The following CSMD1 variants were observed in gnomAD, a reference collection of about 807,000 sequenced individuals.
The protein encoded by CSMD1 is CUB and Sushi multiple domains 1.
CSMD1 carries 213 observed loss-of-function variants against 417.5 expected under a neutral mutation model. The observed-to-expected ratio is 0.51, with a 90% CI of 0.46 to 0.57. The LOEUF (loss-of-function observed/expected upper bound fraction) is 0.57. Among genes scored for constraint, CSMD1 ranks in the 20% least tolerant of loss-of-function variants. CSMD1 has a pLI of 0.00. For synonymous variants in CSMD1, 2,862 were observed against 1,736.8 expected, an observed-to-expected ratio of 1.65 and a Z score of -16.11; for missense variants, 6,923 against 4,529.7, an observed-to-expected ratio of 1.53 and a Z score of -15.17.
chr8:2,944,878 T>A (rs1458933275), intron 68 of CSMD1, among the ~76,000 whole-genome samples: 1 of 152,172 alleles, frequency 6.6e-6, no homozygotes, highest in African/African-American at 2.4e-5. Context: ...AGCTACATAC[T>A]TTTATCCATA....
intron 1 of CSMD1, among the ~76,000 whole-genome samples, chr8:4,696,027 T>G (rs1247046283): frequency 6.6e-6 from 1 of 152,180 alleles, no homozygotes; most frequent in Non-Finnish European, 1.5e-5. Flanking sequence ...CAGGAGACTT[T>G]GAGGAACTTA....
At chr8:2,984,606 C>A (rs1805708437) in intron 54 of CSMD1, among the ~76,000 whole-genome samples, 1 of 152,220 alleles carries the variant, frequency 6.6e-6, no homozygotes, top group African/African-American at 2.4e-5. Context: ...CTTGGGCTCC[C>A]AAAGTGCTGG....
At chr8:4,844,396 C>G (rs1801015387) in intron 1 of CSMD1, among the ~76,000 whole-genome samples, 1 of 152,086 alleles carries the variant, frequency 6.6e-6, no homozygotes, top group Non-Finnish European at 1.5e-5. Context: ...ATTAACAGAT[C>G]TGAATATGGA....
At chr8:4,893,994 C>T (rs1273119292) in intron 1 of CSMD1, among the ~76,000 whole-genome samples, 13 of 152,114 alleles carry the variant, frequency 8.5e-5, no homozygotes, top group Admixed American at 2.6e-4. Context: ...AGGATTTCAA[C>T]ATCTGTTATG....
chr8:4,553,915 G>A (rs969051133), intron 2 of CSMD1, among the ~76,000 whole-genome samples: 1 of 152,070 alleles, frequency 6.6e-6, no homozygotes, highest in Admixed American at 6.6e-5. Context: ...CTGATGACTG[G>A]TTCAGCTGGA....
intron 1 of CSMD1, among the ~76,000 whole-genome samples, chr8:4,806,091 A>T (rs1296329660): frequency 6.6e-6 from 1 of 152,172 alleles, no homozygotes; most frequent in Non-Finnish European, 1.5e-5. Flanking sequence ...ACAATCTCTA[A>T]TTTTAAAATG....
chr8:3,476,075 G>A (rs4554491), intron 11 of CSMD1, among the ~76,000 whole-genome samples: 89,821 of 152,058 alleles, frequency 0.59, 27,222 homozygotes, highest in Middle Eastern at 0.73. Flanking sequence ...GGAGGTGATG[G>A]CTCATGCCTG....
intron 5 of CSMD1, among the ~76,000 whole-genome samples, chr8:3,917,342 T>G (rs1469572707): frequency 6.6e-6 from 1 of 152,036 alleles, no homozygotes; most frequent in African/African-American, 2.4e-5. Context: ...GTTTTGCAAA[T>G]ATACAGTCCA....
chr8:4,447,765 G>C (rs538910112), intron 2 of CSMD1, among the ~76,000 whole-genome samples: 1 of 152,296 alleles, frequency 6.6e-6, no homozygotes, highest in Admixed American at 6.5e-5. Context: ...TTGCAGTTAT[G>C]TATCAAGTGT....
At chr8:3,586,388 A>G (rs937782895) in intron 8 of CSMD1, 128 bp from the exon 9 acceptor site, 2 of 850,618 alleles carry the variant, frequency 2.4e-6, no homozygotes, top group Non-Finnish European at 3.5e-6. Context: ...ACATTAAGCA[A>G]CTCATTAGGT....
At chr8:4,927,356 C>G (rs1022196100) in intron 1 of CSMD1, among the ~76,000 whole-genome samples, 1 of 152,044 alleles carries the variant, frequency 6.6e-6, no homozygotes, top group Non-Finnish European at 1.5e-5. Context: ...CCACGCCCGG[C>G]CAAATGCATT....
chr8:3,037,638 G>A (rs1301405690), intron 50 of CSMD1, among the ~76,000 whole-genome samples: 1 of 152,134 alleles, frequency 6.6e-6, no homozygotes. Flanking sequence ...GGAGCGGACG[G>A]TAAGAGGATA....
chr8:3,387,412 T>C, intron 18 of CSMD1, 82 bp downstream of exon 18: 1 of 1,220,704 alleles, frequency 8.2e-7, no homozygotes, highest in Non-Finnish European at 1.1e-6. Context: ...CCCCCTGAAA[T>C]ACACACACCA....
At chr8:3,207,801 T>C (rs943048446) in intron 30 of CSMD1, among the ~76,000 whole-genome samples, 1 of 152,182 alleles carries the variant, frequency 6.6e-6, no homozygotes, top group Non-Finnish European at 1.5e-5. Flanking sequence ...TAATTCAAAA[T>C]CATGTTATCA....
At chr8:4,698,135 G>GTT (rs11299577) in intron 1 of CSMD1, among the ~76,000 whole-genome samples, 3 of 138,688 alleles carry the variant, frequency 2.2e-5, no homozygotes, top group Non-Finnish European at 3.1e-5. Flanking sequence ...TGAATACTGG[G>GTT]TTTTTTTTTT....
At chr8:3,522,250 G>A (rs1044840768) in intron 10 of CSMD1, among the ~76,000 whole-genome samples, 2 of 151,928 alleles carry the variant, frequency 1.3e-5, no homozygotes, top group African/African-American at 4.8e-5. Flanking sequence ...ATATTACTTT[G>A]AAAACAATAA....
chr8:4,320,208 C>A (rs891560051), intron 3 of CSMD1, among the ~76,000 whole-genome samples: 1 of 152,086 alleles, frequency 6.6e-6, no homozygotes, highest in Non-Finnish European at 1.5e-5. Flanking sequence ...TGTGTGATAT[C>A]TCGCATCTAA....
chr8:4,581,978 A>C (rs558769952), intron 2 of CSMD1, among the ~76,000 whole-genome samples: 1 of 152,320 alleles, frequency 6.6e-6, no homozygotes, highest in East Asian at 1.9e-4. Context: ...TGGAAGACAA[A>C]CGACGATGGC....
intron 49 of CSMD1, among the ~76,000 whole-genome samples, chr8:3,084,350 T>C (rs1367717033): frequency 6.6e-6 from 1 of 151,280 alleles, no homozygotes; most frequent in African/African-American, 2.4e-5. Context: ...ATGGTGAAAC[T>C]CCATCTCTAC....
Sources: allele counts gnomAD v4.1 joint callset (sites outside exome capture counted in the v4.1 genomes callset), GRCh38; gene constraint gnomAD v4.1.1; transcripts MANE v1.5; gene names NCBI Gene and HGNC (gene_info 2026-07-23, HGNC 2026-07-21).